The following ECPAS variants were observed in gnomAD, a reference collection of about 807,000 sequenced individuals.
ECPAS encodes proteasome adapter and scaffold protein ECM29.
Under a neutral mutation model 255.1 loss-of-function variants are expected in ECPAS, and 70 were observed. The observed-to-expected ratio is 0.27, with a 90% CI of 0.23 to 0.33. The LOEUF (loss-of-function observed/expected upper bound fraction) is 0.33, where lower values mean the gene tolerates loss of function less well. Ranked by LOEUF, ECPAS falls within the 10% of genes least tolerant of loss-of-function variation. ECPAS has a pLI of 1.00. For synonymous variants in ECPAS, 784 were observed against 775.0 expected, an observed-to-expected ratio of 1.01 and a Z score of -0.19; for missense variants, 1,817 against 2,206.4, an observed-to-expected ratio of 0.82 and a Z score of 3.54.
In ECPAS at chr9:111,432,313, G is replaced by C. The variant is rs557416248; in HGVS notation, c.848+920C>G. 4.6e-5 allele frequency among the ~76,000 whole-genome samples: 7 copies of C among 152,222 alleles called. No individual in the cohort carries two copies. The South Asian group carries it at 1.5e-3, about 32-fold the overall frequency. ...TCAATTTATAATGCCAATCAACAGG[G>C]TATAAAAATAGCAGTTTTGGCCAGG... On this transcript the variant is annotated intron_variant, in intron 8 of 49. Transcript: ENST00000684092.
intron 12 of ECPAS, among the ~76,000 whole-genome samples, chr9:111,424,867 A>G (rs566154161): frequency 3.3e-5 from 5 of 152,212 alleles, no homozygotes; most frequent in Non-Finnish European, 5.9e-5. Flanking sequence ...GGCTGAAAAA[A>G]TGCTATTTAA....
At chr9:111,464,032 T>A (rs1353491308) in intron 2 of ECPAS, among the ~76,000 whole-genome samples, 3 of 152,186 alleles carry the variant, frequency 2.0e-5, no homozygotes, top group Non-Finnish European at 4.4e-5. Flanking sequence ...AAGTGTTAAA[T>A]AAATTAACAG....
At chr9:111,393,867 T>C in intron 26 of ECPAS, 133 bp from the exon 27 acceptor site, 1 of 730,210 alleles carries the variant, frequency 1.4e-6, no homozygotes, top group Non-Finnish European at 2.3e-6. Context: ...TGCTCTCATC[T>C]TTACAGGTGG....
At chr9:111,377,409 A>C (rs1365835909) in intron 36 of ECPAS, among the ~76,000 whole-genome samples, 1 of 152,230 alleles carries the variant, frequency 6.6e-6, no homozygotes, top group Non-Finnish European at 1.5e-5. Context: ...CAATGCTAGG[A>C]AAAGAGTGCA....
intron 35 of ECPAS, among the ~76,000 whole-genome samples, chr9:111,379,319 T>C (rs560695488): frequency 8.5e-5 from 13 of 152,358 alleles, no homozygotes; most frequent in East Asian, 3.9e-4. Flanking sequence ...CCAGTGCATA[T>C]AGAAGTTTTG....
chr9:111,362,038 G>C lies in ECPAS; in HGVS notation c.5512C>G (p.Leu1838Val). ...TTTCTTCCCCTTCTAATTTATTCCA[G>C]ATTTTCAAGTGTTTTCTTCAGTAAC... is the stretch of plus-strand genomic sequence containing the variant. ...AALLKKTLEN[L>V]E The change falls in exon 50 of 50, where the codon CTG becomes GTG. Residue 1838 changes from leucine to valine, a missense_variant. By Grantham distance (32) the Leu-to-Val change is conservative. This residue lies in a region of ECPAS where 960 missense variants were observed against 1,179.0 expected (regional missense o/e 0.81). Coordinates refer to ENST00000684092, the MANE Select transcript of ECPAS (RefSeq NM_001364929.1). 6.2e-7 allele frequency: 1 copy of C among 1,611,438 alleles called. No individual in the cohort carries two copies. The highest frequency in any genetic ancestry group is 8.5e-7 in the Non-Finnish European group (1 of 1,178,776).
intron 49 of ECPAS, 22 bp from the exon 50 acceptor site, chr9:111,362,191 A>AG: frequency 6.6e-7 from 1 of 1,523,794 alleles, no homozygotes; most frequent in African/African-American, 1.4e-5. Context: ...AAAAAAAACA[A>AG]AAACAAAAAA....
chr9:111,460,866 G>A (rs180768271), intron 2 of ECPAS, among the ~76,000 whole-genome samples: 127 of 152,222 alleles, frequency 8.3e-4, no homozygotes, highest in African/African-American at 2.4e-3. Context: ...TTGACCTATA[G>A]ACAATATAAT....
chr9:111,484,356 G>C lies in ECPAS; in HGVS notation c.-323C>G. ...GGCTGGGCCCGACCTGGGGAAACAC[G>C]CCTGTCCAAAGGAAGAGACGTGGAC... On this transcript the variant is annotated 5_prime_UTR_variant, in exon 1 of 50. Transcript: ENST00000684092. 1 of 1,610,744 alleles carries C rather than the reference G, an allele frequency of 6.2e-7. No homozygotes were observed. The highest frequency in any genetic ancestry group is 8.5e-7 in the Non-Finnish European group (1 of 1,179,072).
chr9:111,414,045 C>A, intron 19 of ECPAS, 59 bp from the exon 20 acceptor site: 1 of 1,114,298 alleles, frequency 9.0e-7, no homozygotes, highest in South Asian at 1.6e-5. Context: ...ATACAGGGAT[C>A]ACTAAATTCC....
chr9:111,471,495 G>A (rs1009119739), intron 2 of ECPAS, among the ~76,000 whole-genome samples: 5 of 152,154 alleles, frequency 3.3e-5, no homozygotes, highest in African/African-American at 1.2e-4. Flanking sequence ...TGCATAGGAG[G>A]GGTGGGGAGA....
At chr9:111,391,000 G>A (rs1005663319) in intron 29 of ECPAS, among the ~76,000 whole-genome samples, 1 of 152,162 alleles carries the variant, frequency 6.6e-6, no homozygotes, top group African/African-American at 2.4e-5. Flanking sequence ...CCAACATCAT[G>A]GGCTCCCACG....
chr9:111,395,018 C>G (rs1469708808), intron 25 of ECPAS, among the ~76,000 whole-genome samples: 1 of 152,206 alleles, frequency 6.6e-6, no homozygotes, highest in Non-Finnish European at 1.5e-5. Context: ...GAATGACTTT[C>G]CTGTTGCTAA....
intron 24 of ECPAS, among the ~76,000 whole-genome samples, chr9:111,408,210 A>AGC (rs2098188203): frequency 6.6e-6 from 1 of 152,212 alleles, no homozygotes; most frequent in South Asian, 2.1e-4. Context: ...AGAGGACAGA[A>AGC]GCTAAATCAT....
chr9:111,402,966 T>TA (rs2098178411), intron 24 of ECPAS, among the ~76,000 whole-genome samples: 1 of 152,042 alleles, frequency 6.6e-6, no homozygotes, highest in East Asian at 1.9e-4. Context: ...CTAACAATAA[T>TA]AAACTGACTG....
At chr9:111,437,249 TA>T (rs1192015565) in intron 6 of ECPAS, 141 bp from the exon 7 acceptor site, 16 of 694,400 alleles carry the variant, frequency 2.3e-5, no homozygotes, top group South Asian at 5.2e-5. Context: ...AATTTCATCA[TA>T]AAAAAAATTT....
chr9:111,362,197 A>AAAAAAAC (rs766476041), intron 49 of ECPAS, 28 bp from the exon 50 acceptor site: 21 of 1,512,504 alleles, frequency 1.4e-5, no homozygotes, highest in African/African-American at 1.3e-4. Context: ...AACAAAAACA[A>AAAAAAAC]AAAAAACAAA....
At position 111,378,577 on chromosome 9, in the gene ECPAS, C is replaced by T; in HGVS notation, c.3954+3G>A. On this transcript the variant is annotated splice_donor_region_variant and intron_variant, in intron 36 of 49. Coordinates refer to ENST00000684092, the MANE Select transcript of ECPAS (RefSeq NM_001364929.1). ...TACCAATATGCCTGCGCTATCCACT[C>T]ACCTTTTCTTGCTCTGTCGCCCGGA... The T allele has an allele frequency of 6.2e-7, 1 of 1,612,452 alleles. No individual in the cohort carries two copies. Among genetic ancestry groups the T allele is most frequent in the African/African-American group, 1.3e-5 (1 of 75,020 alleles).
At position 111,410,194 on chromosome 9, in the gene ECPAS, T is replaced by G. The variant is rs1171748372; in HGVS notation, c.2397A>C (p.Thr799=). The G allele has an allele frequency of 5.0e-6, 8 of 1,611,964 alleles. No individual in the cohort carries two copies. The South Asian group carries it at 8.9e-5, about 18-fold the overall frequency. ...AGGCAGCAATTGCCAGGAGGGGTGA[T>G]GTACTGTCCAAAAATGAGCCTGTAA... is the stretch of plus-strand genomic sequence containing the variant. ...TETIGSFLDS[T]SPLLAIAACT... The change falls in exon 23 of 50, where the codon ACA becomes ACC. Residue 799 remains threonine, a synonymous_variant. Coordinates refer to ENST00000684092, the MANE Select transcript of ECPAS (RefSeq NM_001364929.1).
Sources: allele counts gnomAD v4.1 joint callset (sites outside exome capture counted in the v4.1 genomes callset), GRCh38; gene constraint gnomAD v4.1.1; regional missense constraint gnomAD v4.1.1; transcripts MANE v1.5; gene names NCBI Gene and HGNC (gene_info 2026-07-23, HGNC 2026-07-21).